CCDC47: variants seen among roughly 807,000 people sequenced by gnomAD.
CCDC47 encodes the protein coiled-coil domain containing 47.
Under a neutral mutation model 60.5 loss-of-function variants are expected in CCDC47, and 41 were observed. That is an observed-to-expected ratio of 0.68 (90% CI 0.53 to 0.88). CCDC47 has a LOEUF of 0.88. Ranked by LOEUF, CCDC47 falls within the 40% of genes least tolerant of loss-of-function variation. The pLI is 0.00. For synonymous variants in CCDC47, 195 were observed against 190.7 expected (o/e 1.02, Z -0.18); for missense variants, 513 against 580.9 (o/e 0.88, Z 1.20).
At chr17:63,752,519 G>T in intron 10 of CCDC47, 90 bp from the exon 11 acceptor site, 1 of 878,656 alleles carries the variant, frequency 1.1e-6, no homozygotes, top group Non-Finnish European at 1.7e-6. Context: ...AATCTTAAGA[G>T]ACTCATTTCT....
chr17:63,766,775 CAT>C, intron 1 of CCDC47: 1 of 945,854 alleles, frequency 1.1e-6, no homozygotes, highest in South Asian at 4.9e-5. Flanking sequence ...TGTCCATTTA[CAT>C]AGAGTATTCA....
Position 63,752,091 on chromosome 17 carries a change from T to C in CCDC47, c.1220A>G (p.Asp407Gly). 1 of 1,613,742 alleles carries C rather than the reference T, an allele frequency of 6.2e-7. No homozygotes were observed. The highest frequency in any genetic ancestry group is 8.5e-7 in the Non-Finnish European group (1 of 1,179,946). The change falls in exon 12 of 13, where the codon GAT becomes GGT. Residue 407 changes from aspartate to glycine, a missense_variant. Physicochemically the swap from Asp to Gly is moderately conservative, Grantham distance 94 (BLOSUM62 -1). Coordinates refer to ENST00000225726, the MANE Select transcript of CCDC47 (RefSeq NM_020198.3). ...CTCTTCTACTCGGGCACGGTTCTTA[T>C]CTGCTTTTTGTTTGCCCTTCCCCAA... ...RLNREGKQKADKNRARVEENF... is the reference protein window; with the variant it reads ...RLNREGKQKAGKNRARVEENF...
chr17:63,751,555 A>ATCTCTAAT (rs2039165596), intron 12 of CCDC47, among the ~76,000 whole-genome samples: 1 of 152,074 alleles, frequency 6.6e-6, no homozygotes, highest in South Asian at 2.1e-4. Flanking sequence ...AATATTGGAA[A>ATCTCTAAT]TCTCTAATTC....
intron 10 of CCDC47, 40 bp from the exon 11 acceptor site, chr17:63,752,469 G>A: frequency 7.7e-7 from 1 of 1,293,704 alleles, no homozygotes; most frequent in Non-Finnish European, 1.1e-6. Flanking sequence ...GTTAATGGTA[G>A]CATTAATATT....
At position 63,765,671 on chromosome 17, in the gene CCDC47, C is replaced by T. The variant is rs905815224; in HGVS notation, c.264+241G>A. The T allele has an allele frequency of 5.4e-6, 7 of 1,296,268 alleles. No homozygotes were observed. In the South Asian group the frequency reaches 6.2e-5, roughly 11 times the overall value. The allele number at this position is 1,296,268 out of a possible 1,614,324, so 80.3% of individuals were successfully genotyped here. On this transcript the variant is annotated intron_variant, in intron 2 of 12. Transcript: ENST00000225726. ...AAAGTTCTAAATAATACAATTCTCA[C>T]CCACAAACAGTATCTATTCTCTAAC...
intron 6 of CCDC47, among the ~76,000 whole-genome samples, chr17:63,757,280 G>A (rs1737448533): frequency 6.6e-6 from 1 of 151,536 alleles, no homozygotes; most frequent in Non-Finnish European, 1.5e-5. Flanking sequence ...GCTGAGGCAG[G>A]AGGATCGATT....
chr17:63,760,836 C>CA (rs374704881), intron 6 of CCDC47, 78 bp downstream of exon 6: 31,000 of 792,670 alleles, frequency 0.039, 35 homozygotes, highest in African/African-American at 0.058. Context: ...GAGACTCCAT[C>CA]AAAAAAAAAA....
intron 10 of CCDC47, 137 bp from the exon 11 acceptor site, chr17:63,752,566 A>G: frequency 1.3e-6 from 1 of 748,126 alleles, no homozygotes; most frequent in Non-Finnish European, 2.0e-6. Flanking sequence ...AGCAGAAAAT[A>G]TAAATTAAAA....
chr17:63,770,804 G>A (rs1003339053), intron 1 of CCDC47, among the ~76,000 whole-genome samples: 2 of 151,560 alleles, frequency 1.3e-5, no homozygotes, highest in African/African-American at 2.4e-5. Context: ...TGGTCAACAT[G>A]GTGAAATCCC....
chr17:63,752,792 G>T lies in CCDC47; in HGVS notation c.1042C>A (p.Gln348Lys). 1 of 1,611,104 alleles carries T rather than the reference G, an allele frequency of 6.2e-7. No homozygotes were observed. The highest frequency in any genetic ancestry group is 1.1e-5 in the South Asian group (1 of 90,568). The change falls in exon 10 of 13, where the codon CAG becomes AAG. Residue 348 changes from glutamine (Q) to lysine (K), a missense_variant. Physicochemically the swap from Gln to Lys is moderately conservative, Grantham distance 53. Coordinates refer to ENST00000225726, the MANE Select transcript of CCDC47 (RefSeq NM_020198.3). Reference protein sequence around the residue: ...SGPKIMQEEGQPLKLPDTKRT... With the variant: ...SGPKIMQEEGKPLKLPDTKRT... ...TTAGTGTCAGGTAGCTTTAAAGGCT[G>T]ACCTTCCCTGTCATAAAAGAAAAGG...
At chr17:63,757,552 C>T (rs2039216912) in intron 6 of CCDC47, among the ~76,000 whole-genome samples, 1 of 152,086 alleles carries the variant, frequency 6.6e-6, no homozygotes, top group Non-Finnish European at 1.5e-5. Flanking sequence ...TGCTGCACTT[C>T]TGACCTGCAG....
intron 1 of CCDC47, among the ~76,000 whole-genome samples, chr17:63,769,067 C>T (rs2039316862): frequency 6.9e-6 from 1 of 145,808 alleles, no homozygotes; most frequent in Non-Finnish European, 1.5e-5. Flanking sequence ...CCGGGTGACA[C>T]AGGGAGACTC....
At chr17:63,770,529 A>G (rs2039330491) in intron 1 of CCDC47, among the ~76,000 whole-genome samples, 1 of 152,210 alleles carries the variant, frequency 6.6e-6, no homozygotes, top group African/African-American at 2.4e-5. Context: ...TATTAACGGA[A>G]GTGAGAGTAT....
chr17:63,747,707 AG>A (rs2144464117), intron 12 of CCDC47: 6 of 985,260 alleles, frequency 6.1e-6, no homozygotes, highest in Middle Eastern at 5.2e-4. Flanking sequence ...AAATGTGCTC[AG>A]AAATATACTC....
chr17:63,771,013 AAAGG>A (rs775583739), intron 1 of CCDC47, among the ~76,000 whole-genome samples: 26,098 of 109,046 alleles, frequency 0.24, 4,854 homozygotes, highest in East Asian at 0.38. Context: ...AGAAAGAAAG[AAAGG>A]AAGGAAGGAA....
chr17:63,747,555 A>C (rs570559573), intron 12 of CCDC47: 2 of 984,508 alleles, frequency 2.0e-6, no homozygotes, highest in Admixed American at 1.2e-4. Flanking sequence ...AAGAAGGTTC[A>C]GGTTATTATT....
chr17:63,762,017 C>T, intron 4 of CCDC47: 1 of 903,220 alleles, frequency 1.1e-6, no homozygotes, highest in Non-Finnish European at 1.3e-6. Flanking sequence ...TAAAAAATAC[C>T]ATTAATACAA....
chr17:63,757,374 A>AT (rs1240917837), intron 6 of CCDC47, among the ~76,000 whole-genome samples: 34 of 125,330 alleles, frequency 2.7e-4, no homozygotes, highest in Non-Finnish European at 4.9e-4. Context: ...CTCAAAAAAA[A>AT]TTAAAAAAAA....
chr17:63,761,969 A>G (rs570358057), intron 4 of CCDC47: 136 of 752,662 alleles, frequency 1.8e-4, no homozygotes, highest in African/African-American at 1.8e-3. Flanking sequence ...ATCAGTTGAA[A>G]TATCTCTGCC....
Sources: gnomAD v4.1 joint callset for allele counts (sites outside exome capture counted in the v4.1 genomes callset) on GRCh38, gnomAD v4.1.1 for gene constraint, MANE v1.5 for transcripts, NCBI Gene and HGNC (gene_info 2026-07-23, HGNC 2026-07-21) for gene names.